PIK3R5: variants seen among roughly 807,000 people sequenced by gnomAD.
The protein encoded by PIK3R5 is phosphoinositide-3-kinase regulatory subunit 5.
Under a neutral mutation model 94.9 loss-of-function variants are expected in PIK3R5, and 32 were observed. The observed-to-expected ratio is 0.34, with a 90% CI of 0.25 to 0.45. The LOEUF (loss-of-function observed/expected upper bound fraction) is 0.45, where lower values mean the gene tolerates loss of function less well. PIK3R5 is among the 20% of genes least tolerant of loss of function. The pLI is 1.00. For missense variants in PIK3R5, 853 were observed against 1,144.6 expected (o/e 0.75, Z 3.68); for synonymous variants, 443 against 479.4 (o/e 0.92, Z 0.99).
At chr17:8,901,510 A>G (rs1417752318) in intron 5 of PIK3R5, among the ~76,000 whole-genome samples, 4 of 152,214 alleles carry the variant, frequency 2.6e-5, no homozygotes, top group African/African-American at 9.7e-5. Context: ...AGTTATGAAC[A>G]CTTCCAAAGA....
rs1225951180 is a variant in PIK3R5, at chr17:8,925,959, A to G, written c.-13-14452T>C. On this transcript the variant is annotated intron_variant, in intron 1 of 18. Coordinates refer to ENST00000447110, the MANE Select transcript of PIK3R5 (RefSeq NM_001142633.3). This position sits in a 1 kb window ranked among gnomAD's most constrained non-coding sequence, Gnocchi z 5.1. ...GCTACAGCTCTCTATTTGGGAGTTC[A>G]CATGGTGCTGTGGTCACTGAGGCTG... Among the ~76,000 whole-genome samples, 2 of 152,248 alleles carry G rather than the reference A, an allele frequency of 1.3e-5. No individual in the cohort carries two copies. The highest frequency in any genetic ancestry group is 4.8e-5 in the African/African-American group (2 of 41,468).
rs932652029 is a variant in PIK3R5, at chr17:8,909,089, C to A, written c.189G>T (p.Leu63=). ...GHFLILLEQI[L]QKTREVQEKG... is the part of the protein sequence containing the mutation. ...TCCCCCTCACCTCTCGGGTCTTCTG[C>A]AGGATCTGCTCAAGGAGGATAAGGA... The change falls in exon 3 of 19, where the codon CTG becomes CTT. Residue 63 remains leucine (L), a synonymous_variant. Coordinates refer to ENST00000447110, the MANE Select transcript of PIK3R5 (RefSeq NM_001142633.3). The surrounding 1 kb of genome is among the most constrained non-coding windows in gnomAD (Gnocchi z 4.3). The A allele has an allele frequency of 1.4e-5, 23 of 1,606,302 alleles. No homozygotes were observed. The highest frequency in any genetic ancestry group is 2.0e-5 in the Non-Finnish European group (23 of 1,175,284).
chr17:8,903,130 C>T (rs1221937776), intron 5 of PIK3R5, among the ~76,000 whole-genome samples: 1 of 152,282 alleles, frequency 6.6e-6, no homozygotes, highest in African/African-American at 2.4e-5. Context: ...CAGGCATGAG[C>T]CACCACACCT....
In PIK3R5 at chr17:8,945,545, G is replaced by A. The variant is rs547346937; in HGVS notation, c.-14+20051C>T. 5.0e-4 allele frequency among the ~76,000 whole-genome samples: 76 copies of A among 152,252 alleles called. No homozygotes were observed. Among genetic ancestry groups the A allele is most frequent in the African/African-American group, 1.6e-3 (67 of 41,552 alleles). On this transcript the variant is annotated intron_variant, in intron 1 of 18. Transcript: ENST00000447110. This position sits in a 1 kb window ranked among gnomAD's most constrained non-coding sequence, Gnocchi z 4.0. ...GCATCACAGCAACCACCTTGCACTGGGAGTTTCTGCTAGACAGGAGGCAAA... is the reference window on the plus strand; with the variant it reads ...GCATCACAGCAACCACCTTGCACTGAGAGTTTCTGCTAGACAGGAGGCAAA...
At chr17:8,902,886 C>G (rs2090318353) in intron 5 of PIK3R5, among the ~76,000 whole-genome samples, 1 of 147,528 alleles carries the variant, frequency 6.8e-6, no homozygotes, top group Non-Finnish European at 1.5e-5. Flanking sequence ...CTCTTGTTGC[C>G]CAGGCTGGAG....
chr17:8,887,120 G>T lies in PIK3R5; in HGVS notation c.1881C>A (p.His627Gln). Residue 627 changes from histidine to glutamine, a missense_variant, in exon 12 of 19, where the codon CAC (histidine) becomes CAA (glutamine). Physicochemically the swap from His to Gln is conservative, Grantham distance 24. Around this residue, in one of 6 missense-constraint regions of PIK3R5, gnomAD observed 173 missense variants for 274.1 expected, o/e 0.63. Coordinates refer to ENST00000447110, the MANE Select transcript of PIK3R5 (RefSeq NM_001142633.3). ...CCTGGCACAGGACTTCAGGGGGCAG[G>T]TGCATGAGGCCCAGTACATTGCGCT... The part of the protein sequence containing the change: ...WYERNVLGLM[H>Q]LPPEVLCQQS... The T allele has an allele frequency of 1.2e-6, 2 of 1,614,068 alleles. No individual in the cohort carries two copies. Among genetic ancestry groups the T allele is most frequent in the Non-Finnish European group, 1.7e-6 (2 of 1,180,012 alleles).
In PIK3R5 at chr17:8,925,420, G is replaced by T. The variant is rs2090858713; in HGVS notation, c.-13-13913C>A. 6.6e-6 allele frequency among the ~76,000 whole-genome samples: 1 copy of T among 150,926 alleles called. No homozygotes were observed. Among genetic ancestry groups the T allele is most frequent in the East Asian group, 1.9e-4 (1 of 5,146 alleles). On this transcript the variant is annotated intron_variant, in intron 1 of 18. Transcript: ENST00000447110. The surrounding 1 kb of genome is among the most constrained non-coding windows in gnomAD (Gnocchi z 5.1). Reference sequence around the variant, plus strand: ...TGGAGAGATAGTAGATGGATAGGTAGATAGTAGATGGAGAGATAGATAGTA... The same window carrying T: ...TGGAGAGATAGTAGATGGATAGGTATATAGTAGATGGAGAGATAGATAGTA...
At position 8,889,965 on chromosome 17, in the gene PIK3R5, A is replaced by G. The variant is rs993881364; in HGVS notation, c.811+8T>C. The stretch of plus-strand genomic sequence containing the variant: ...TGTGGGAGAACCCCATTCTCCCAAG[A>G]GCCTCACCTAACACCCCAGGGAAGC... On this transcript the variant is annotated splice_region_variant and intron_variant, in intron 8 of 18. Transcript: ENST00000447110. This position sits in a 1 kb window ranked among gnomAD's most constrained non-coding sequence, Gnocchi z 4.1. 6.2e-7 allele frequency: 1 copy of G among 1,613,520 alleles called. No individual in the cohort carries two copies. The highest frequency in any genetic ancestry group is 1.3e-5 in the African/African-American group (1 of 74,960).
chr17:8,940,834 T>C (rs1326108926), intron 1 of PIK3R5, among the ~76,000 whole-genome samples: 1 of 152,182 alleles, frequency 6.6e-6, no homozygotes, highest in African/African-American at 2.4e-5. Flanking sequence ...GTGTTGGGAT[T>C]ACAGGTGCGA....
chr17:8,939,918 G>A (rs1414106533), intron 1 of PIK3R5, among the ~76,000 whole-genome samples: 3 of 152,132 alleles, frequency 2.0e-5, no homozygotes, highest in Non-Finnish European at 2.9e-5. Context: ...TCAAATCTGC[G>A]TATTTCTGGA....
At chr17:8,946,710 G>A (rs561338808) in intron 1 of PIK3R5, among the ~76,000 whole-genome samples, 11 of 152,170 alleles carry the variant, frequency 7.2e-5, no homozygotes, top group Admixed American at 2.0e-4. Flanking sequence ...CTGAGGACTC[G>A]AATGACCACA....
chr17:8,901,241 C>G (rs147861764), intron 5 of PIK3R5, among the ~76,000 whole-genome samples: 306 of 152,302 alleles, frequency 2.0e-3, no homozygotes, highest in African/African-American at 7.1e-3. Context: ...GCAAACCCAG[C>G]TTTTACCTTT....
At position 8,905,649 on chromosome 17, in the gene PIK3R5, C is replaced by T. The variant is rs113379742; in HGVS notation, c.273+20G>A. Reference sequence around the variant, plus strand: ...CCCCCTCCTCCCTCACCTCCAGCATCCTGGCCCACGTGGACTTACACAAAG... The same window carrying T: ...CCCCCTCCTCCCTCACCTCCAGCATTCTGGCCCACGTGGACTTACACAAAG... On this transcript the variant is annotated intron_variant, in intron 4 of 18. Transcript: ENST00000447110. 0.011 allele frequency: 16,901 copies of T among 1,575,788 alleles called. 115 individuals carry two copies. The highest frequency in any genetic ancestry group is 0.012 in the Middle Eastern group (71 of 5,910).
intron 6 of PIK3R5, among the ~76,000 whole-genome samples, chr17:8,891,348 G>A (rs1279602191): frequency 6.6e-6 from 1 of 152,130 alleles, no homozygotes; most frequent in African/African-American, 2.4e-5. Context: ...TGTGGTCTGG[G>A]GCGAGCGGGA....
Position 8,888,554 on chromosome 17 carries a change from G to T in PIK3R5, c.1233C>A (p.Arg411=). The change falls in exon 10 of 19, where the codon CGC becomes CGA. Residue 411 remains arginine, a synonymous_variant. Transcript: ENST00000447110. The surrounding 1 kb of genome is among the most constrained non-coding windows in gnomAD (Gnocchi z 7.8). The stretch of plus-strand genomic sequence containing the variant: ...TCTGCCCAGGCCTGCGGTGGCCTCG[G>T]CGTTCCTGGCTGCCACGCCTCCAAG... The part of the protein sequence containing the change: ...EWPWRRGSQE[R]RGHRRPGQKF... The T allele has an allele frequency of 6.2e-7, 1 of 1,611,990 alleles. No individual in the cohort carries two copies. Among genetic ancestry groups the T allele is most frequent in the South Asian group, 1.1e-5 (1 of 90,976 alleles).
At chr17:8,917,499 A>G (rs2090653681) in intron 1 of PIK3R5, among the ~76,000 whole-genome samples, 1 of 152,228 alleles carries the variant, frequency 6.6e-6, no homozygotes, top group African/African-American at 2.4e-5. Context: ...TCAAAGTCAA[A>G]AATAAAAACT....
rs1050146861 is a variant in PIK3R5, at chr17:8,909,766, G to A, written c.104-592C>T. Among the ~76,000 whole-genome samples, 4 of 152,200 alleles carry A rather than the reference G, an allele frequency of 2.6e-5. No homozygotes were observed. Among genetic ancestry groups the A allele is most frequent in the East Asian group, 1.9e-4 (1 of 5,192 alleles). On this transcript the variant is annotated intron_variant, in intron 2 of 18. Transcript: ENST00000447110. The surrounding 1 kb of genome is among the most constrained non-coding windows in gnomAD (Gnocchi z 4.3). Reference sequence around the variant, plus strand: ...AGGACAATGAGCTCACTATGACTCCGCTCCCTGTGGAAGCACCAGTTCTCC... The same window carrying A: ...AGGACAATGAGCTCACTATGACTCCACTCCCTGTGGAAGCACCAGTTCTCC...
chr17:8,886,702 G>T, intron 12 of PIK3R5, 97 bp from the exon 13 acceptor site: 2 of 1,361,682 alleles, frequency 1.5e-6, no homozygotes, highest in Non-Finnish European at 2.0e-6. Flanking sequence ...GAGAGACATA[G>T]AGGCAGCCAG....
intron 1 of PIK3R5, among the ~76,000 whole-genome samples, chr17:8,940,054 T>C (rs115781215): frequency 9.8e-5 from 15 of 152,300 alleles, no homozygotes; most frequent in African/African-American, 3.6e-4. Flanking sequence ...GAGTTTCTAA[T>C]CTCTCATATC....
Sources: gnomAD v4.1 joint callset for allele counts (sites outside exome capture counted in the v4.1 genomes callset) on GRCh38, gnomAD v4.1.1 for gene constraint, gnomAD v4.1.1 regional missense constraint, Gnocchi (gnomAD v3.1) non-coding constraint, MANE v1.5 for transcripts, NCBI Gene and HGNC (gene_info 2026-07-23, HGNC 2026-07-21) for gene names.